Variants in GRID2 observed in about 807,000 individuals in gnomAD.
GRID2 encodes the protein glutamate receptor ionotropic, delta-2.
Under a neutral mutation model 114.8 loss-of-function variants are expected in GRID2, and 33 were observed. That is an observed-to-expected ratio of 0.29 (90% CI 0.22 to 0.38). The LOEUF (loss-of-function observed/expected upper bound fraction) is 0.38, where lower values mean the gene tolerates loss of function less well. GRID2 is among the 10% of genes least tolerant of loss of function. The pLI is 1.00. For synonymous variants in GRID2, 505 were observed against 449.9 expected (o/e 1.12, Z -1.55); for missense variants, 1,184 against 1,257.7 (o/e 0.94, Z 0.89).
intron 2 of GRID2, among the ~76,000 whole-genome samples, chr4:92,709,505 G>A (rs915320177): frequency 2.8e-5 from 4 of 144,828 alleles, no homozygotes; most frequent in Non-Finnish European, 6.0e-5. Flanking sequence ...AACTAGGAAC[G>A]TTTGTGTCTG....
intron 1 of GRID2, among the ~76,000 whole-genome samples, chr4:92,461,684 G>A (rs1721502641): frequency 6.6e-6 from 1 of 151,664 alleles, no homozygotes; most frequent in Non-Finnish European, 1.5e-5. Context: ...AAATCATCGT[G>A]GATTACAGGG....
At chr4:93,734,444 G>T (rs947753204) in intron 14 of GRID2, among the ~76,000 whole-genome samples, 2 of 151,882 alleles carry the variant, frequency 1.3e-5, no homozygotes, top group Non-Finnish European at 2.9e-5. Flanking sequence ...GTGAATGTTT[G>T]GTTTCCCTTA....
chr4:92,582,687 G>A (rs956071775), intron 1 of GRID2, among the ~76,000 whole-genome samples: 2 of 151,812 alleles, frequency 1.3e-5, no homozygotes, highest in Non-Finnish European at 2.9e-5. Flanking sequence ...GAAATGATGG[G>A]TGTTGTGGCT....
chr4:92,795,921 A>T (rs2149368311), intron 2 of GRID2, among the ~76,000 whole-genome samples: 1 of 151,974 alleles, frequency 6.6e-6, no homozygotes, highest in Admixed American at 6.6e-5. Flanking sequence ...TTTTATTTAT[A>T]TATTTTTGCC....
At chr4:93,759,472 A>T (rs944822179) in intron 14 of GRID2, among the ~76,000 whole-genome samples, 8 of 152,350 alleles carry the variant, frequency 5.3e-5, no homozygotes, top group African/African-American at 1.9e-4. Flanking sequence ...TGCTTTTCAA[A>T]ACAGTTAAAT....
intron 13 of GRID2, among the ~76,000 whole-genome samples, chr4:93,545,181 G>C (rs945260050): frequency 6.6e-6 from 1 of 152,168 alleles, no homozygotes; most frequent in East Asian, 1.9e-4. Flanking sequence ...TTCAGGTGCA[G>C]AGGCAGATAA....
intron 2 of GRID2, among the ~76,000 whole-genome samples, chr4:92,793,563 AG>A (rs1739697436): frequency 6.6e-6 from 1 of 151,914 alleles, no homozygotes; most frequent in African/African-American, 2.4e-5. Context: ...AAAAAAAAAA[AG>A]AAAATAGTTG....
chr4:92,360,406 T>G (rs994636982), intron 1 of GRID2, among the ~76,000 whole-genome samples: 1 of 151,930 alleles, frequency 6.6e-6, no homozygotes, highest in Non-Finnish European at 1.5e-5. Flanking sequence ...GTTTATGCAT[T>G]CATGAGTTCG....
At chr4:93,148,510 G>A (rs1268331811) in intron 4 of GRID2, among the ~76,000 whole-genome samples, 1 of 152,038 alleles carries the variant, frequency 6.6e-6, no homozygotes, top group Non-Finnish European at 1.5e-5. Flanking sequence ...TCTTCTTTAT[G>A]TATTTTATGG....
intron 14 of GRID2, among the ~76,000 whole-genome samples, chr4:93,735,187 TG>T (rs1175604893): frequency 3.0e-4 from 45 of 152,090 alleles, no homozygotes; most frequent in Middle Eastern, 3.4e-3. Flanking sequence ...GAAAAAATGT[TG>T]TTCTATAACT....
chr4:93,274,517 C>A (rs1751838126), intron 8 of GRID2, among the ~76,000 whole-genome samples: 1 of 152,064 alleles, frequency 6.6e-6, no homozygotes, highest in Non-Finnish European at 1.5e-5. Flanking sequence ...TCTCATACTG[C>A]ATGTGGGTAA....
intron 3 of GRID2, among the ~76,000 whole-genome samples, chr4:93,104,776 A>G (rs1732041231): frequency 6.6e-6 from 1 of 152,202 alleles, no homozygotes; most frequent in African/African-American, 2.4e-5. Context: ...ATACGTGTGC[A>G]TGTGTCTTTA....
chr4:93,415,109 C>T (rs1269734404), intron 9 of GRID2, among the ~76,000 whole-genome samples: 2 of 152,056 alleles, frequency 1.3e-5, no homozygotes, highest in Non-Finnish European at 2.9e-5. Flanking sequence ...TTCATCAACT[C>T]CAGTGTTTGT....
chr4:92,788,535 C>G (rs1739424856), intron 2 of GRID2, among the ~76,000 whole-genome samples: 1 of 151,892 alleles, frequency 6.6e-6, no homozygotes, highest in African/African-American at 2.4e-5. Context: ...AAATGTTTTT[C>G]AGTGGTTCAC....
intron 2 of GRID2, among the ~76,000 whole-genome samples, chr4:92,808,123 G>A (rs1393797308): frequency 6.6e-6 from 1 of 151,966 alleles, no homozygotes; most frequent in East Asian, 1.9e-4. Flanking sequence ...TGCTGGCTTT[G>A]AAGATGGAAG....
At chr4:93,156,062 T>A (rs1737157673) in intron 4 of GRID2, among the ~76,000 whole-genome samples, 1 of 151,712 alleles carries the variant, frequency 6.6e-6, no homozygotes, top group Non-Finnish European at 1.5e-5. Flanking sequence ...TGTATGCCGG[T>A]ATCAGAATAT....
rs759507546 is a variant in GRID2, at chr4:92,599,261, G to A, written c.244+8975G>A. On this transcript the variant is annotated intron_variant, in intron 2 of 15. Transcript: ENST00000282020. ...AAATTAAAGCTTTCTGATGATTTGT[G>A]TAGGCTTAATACAATCGGTGAAGTA... is the stretch of plus-strand genomic sequence containing the variant. Among the ~76,000 whole-genome samples, 85 of 152,028 alleles carry A rather than the reference G, an allele frequency of 5.6e-4. 1 individual carries two copies. The highest frequency in any genetic ancestry group is 8.8e-5 in the Non-Finnish European group (6 of 68,020).
chr4:92,959,831 A>G (rs565723929), intron 2 of GRID2, among the ~76,000 whole-genome samples: 1 of 152,026 alleles, frequency 6.6e-6, no homozygotes, highest in African/African-American at 2.4e-5. Context: ...AGGGAGGGGA[A>G]CATCTCACAC....
chr4:93,574,635 C>A (rs1209023158), intron 13 of GRID2, among the ~76,000 whole-genome samples: 1 of 152,096 alleles, frequency 6.6e-6, no homozygotes, highest in Non-Finnish European at 1.5e-5. Flanking sequence ...ATCACAAGAA[C>A]AACACAGGAA....
Sources: allele counts gnomAD v4.1 joint callset (sites outside exome capture counted in the v4.1 genomes callset), GRCh38; gene constraint gnomAD v4.1.1; transcripts MANE v1.5; gene names NCBI Gene and HGNC (gene_info 2026-07-23, HGNC 2026-07-21).